Variants in AOPEP observed in about 807,000 individuals in gnomAD.
AOPEP encodes the protein aminopeptidase O (putative), also known as aminopeptidase O.
AOPEP carries 77 observed loss-of-function variants against 98.1 expected under a neutral mutation model. The observed-to-expected ratio is 0.78, with a 90% CI of 0.65 to 0.95. The LOEUF (loss-of-function observed/expected upper bound fraction) is 0.95, where lower values mean the gene tolerates loss of function less well. Ranked by LOEUF, AOPEP falls within the 40% of genes least tolerant of loss-of-function variation. The pLI is 0.00. For synonymous variants in AOPEP, 346 were observed against 365.3 expected, an observed-to-expected ratio of 0.95 and a Z score of 0.60; for missense variants, 1,024 against 1,024.7, an observed-to-expected ratio of 1.00 and a Z score of 0.01.
At chr9:95,090,909 C>G (rs915142704), downstream of AOPEP, among the ~76,000 whole-genome samples, 1 of 152,200 alleles carries the variant, frequency 6.6e-6, no homozygotes, top group African/African-American at 2.4e-5. Context: ...GGTGACCTTG[C>G]CTGCAGCATG....
intron 12 of AOPEP, 31 bp downstream of exon 12, chr9:95,005,251 C>G (rs1301667953): frequency 1.9e-5 from 20 of 1,064,366 alleles, no homozygotes; most frequent in African/African-American, 3.4e-5. Flanking sequence ...CCCTGCGCCC[C>G]GGTGGCGCCG....
Position 94,917,620 on chromosome 9 carries a change from C to T in AOPEP, c.1365-6366C>T, listed in dbSNP as rs548507228. On this transcript the variant is annotated intron_variant, in intron 5 of 16. Transcript: ENST00000375315. Reference sequence around the variant, plus strand: ...AGATCATAAAGCTGGAGCTCCTAGCCTTGGCATCGTTGTTTGCTTCCCTGA... The same window carrying T: ...AGATCATAAAGCTGGAGCTCCTAGCTTTGGCATCGTTGTTTGCTTCCCTGA... 5.9e-5 allele frequency among the ~76,000 whole-genome samples: 9 copies of T among 152,310 alleles called. No homozygotes were observed. The East Asian group carries it at 1.7e-3, about 29-fold the overall frequency.
chr9:94,848,078 G>A (rs932538893), intron 5 of AOPEP, among the ~76,000 whole-genome samples: 2 of 152,182 alleles, frequency 1.3e-5, no homozygotes, highest in Non-Finnish European at 2.9e-5. Context: ...TGACACTGCA[G>A]TTACTTATTA....
intron 5 of AOPEP, among the ~76,000 whole-genome samples, chr9:94,813,608 A>G (rs970920591): frequency 1.3e-5 from 2 of 152,196 alleles, no homozygotes; most frequent in Non-Finnish European, 2.9e-5. Context: ...CCCACCAGGA[A>G]GGGCAAGCTG....
At chr9:95,075,581 A>G (rs1465383059) in intron 14 of AOPEP, among the ~76,000 whole-genome samples, 1 of 152,234 alleles carries the variant, frequency 6.6e-6, no homozygotes, top group Non-Finnish European at 1.5e-5. Context: ...AAAGGATTTT[A>G]TGCACATGAA....
chr9:95,124,545 C>T, the AOPEP span, among the ~76,000 whole-genome samples: 2 of 152,296 alleles, frequency 1.3e-5, no homozygotes, highest in Admixed American at 6.5e-5. Flanking sequence ...CCGCTCACTG[C>T]CCTTCCTCAC....
At chr9:95,071,602 ATGAGGCCATTCC>A (rs1446361754) in intron 14 of AOPEP, among the ~76,000 whole-genome samples, 4 of 152,066 alleles carry the variant, frequency 2.6e-5, no homozygotes, top group Admixed American at 6.6e-5. Flanking sequence ...GGAAGAGACA[ATGAGGCCATTCC>A]TGTCTTTGGT....
At chr9:94,890,367 T>C (rs1342677332) in intron 5 of AOPEP, among the ~76,000 whole-genome samples, 1 of 151,884 alleles carries the variant, frequency 6.6e-6, no homozygotes, top group East Asian at 1.9e-4. Flanking sequence ...CCACACATAT[T>C]GGTCAGGCTG....
In AOPEP at chr9:94,759,957, C is replaced by A; in HGVS notation, c.174C>A (p.Ser58Arg). The A allele has an allele frequency of 6.2e-7, 1 of 1,614,118 alleles. No homozygotes were observed. Among genetic ancestry groups the A allele is most frequent in the African/African-American group, 1.3e-5 (1 of 75,016 alleles). Residue 58 changes from serine to arginine, a missense_variant, in exon 2 of 17, where the codon AGC becomes AGA. Coordinates refer to ENST00000375315, the MANE Select transcript of AOPEP (RefSeq NM_001193329.3). ...GAAACAGATTCAAGAAACAGAATAGCTCTATTGAGGAAGCCTGCCAATCAG... is the reference window on the plus strand; with the variant it reads ...GAAACAGATTCAAGAAACAGAATAGATCTATTGAGGAAGCCTGCCAATCAG... ...EDGNRFKKQN[S>R]SIEEACQSES...
Position 94,773,386 on chromosome 9 carries a change from C to T in AOPEP, c.964+218C>T, listed in dbSNP as rs568474269. 7.6e-5 allele frequency: 30 copies of T among 394,552 alleles called. 1 individual carries two copies. The highest frequency in any genetic ancestry group is 6.1e-4 in the Admixed American group (16 of 26,272). The allele number at this position is 394,552 out of a possible 1,614,324, so 24.4% of individuals were successfully genotyped here. On this transcript the variant is annotated intron_variant, in intron 3 of 16. Transcript: ENST00000375315. ...TTGGGGCTCTTCATACTAGAGTTGTCGGTTCATAGACTATTTCAGCAGTTG... is the reference window on the plus strand; with the variant it reads ...TTGGGGCTCTTCATACTAGAGTTGTTGGTTCATAGACTATTTCAGCAGTTG...
At chr9:94,931,940 C>A (rs2055384492) in intron 7 of AOPEP, 1 of 1,137,436 alleles carries the variant, frequency 8.8e-7, no homozygotes, top group Non-Finnish European at 1.2e-6. Context: ...GCCCAAGGCT[C>A]AGAAAGACTG....
At chr9:95,031,103 G>T (rs2064260022) in intron 13 of AOPEP, among the ~76,000 whole-genome samples, 1 of 152,192 alleles carries the variant, frequency 6.6e-6, no homozygotes, top group Non-Finnish European at 1.5e-5. Flanking sequence ...GGTGTTCACA[G>T]TGTGCAGTTT....
chr9:94,926,868 G>T (rs1365923891), intron 6 of AOPEP, among the ~76,000 whole-genome samples: 1 of 152,220 alleles, frequency 6.6e-6, no homozygotes, highest in Non-Finnish European at 1.5e-5. Context: ...ACTCAGAGAG[G>T]CATCCGCAGG....
At chr9:94,791,991 A>T (rs1221887808) in intron 3 of AOPEP, among the ~76,000 whole-genome samples, 1 of 152,246 alleles carries the variant, frequency 6.6e-6, no homozygotes, top group Non-Finnish European at 1.5e-5. Context: ...ATAGTGTTAC[A>T]AATTATCAGC....
chr9:94,848,732 C>G (rs530679465), intron 5 of AOPEP, among the ~76,000 whole-genome samples: 4 of 151,954 alleles, frequency 2.6e-5, no homozygotes, highest in African/African-American at 9.7e-5. Context: ...AATGCCCTAC[C>G]AAGCTAATAG....
intron 5 of AOPEP, among the ~76,000 whole-genome samples, chr9:94,889,778 C>T (rs776056325): frequency 1.3e-5 from 2 of 152,122 alleles, no homozygotes; most frequent in East Asian, 1.9e-4. Flanking sequence ...AGAAATGTGC[C>T]GTTTTACATT....
At chr9:94,984,854 A>G (rs999920224) in intron 11 of AOPEP, among the ~76,000 whole-genome samples, 6 of 152,230 alleles carry the variant, frequency 3.9e-5, no homozygotes, top group Non-Finnish European at 5.9e-5. Flanking sequence ...TGCGGGGTAA[A>G]GATAGAGCTG....
chr9:94,733,953 A>C (rs1564031075), intron 1 of AOPEP, among the ~76,000 whole-genome samples: 1 of 152,228 alleles, frequency 6.6e-6, no homozygotes, highest in Non-Finnish European at 1.5e-5. Flanking sequence ...ACCCATTTGC[A>C]GTGTGTAAAG....
At chr9:94,828,313 C>T (rs1456846869) in intron 5 of AOPEP, among the ~76,000 whole-genome samples, 1 of 111,808 alleles carries the variant, frequency 8.9e-6, no homozygotes, top group African/African-American at 3.4e-5. Flanking sequence ...AGATTTCTCC[C>T]TGTGTTTTCT....
Sources: allele counts gnomAD v4.1 joint callset (sites outside exome capture counted in the v4.1 genomes callset), GRCh38; gene constraint gnomAD v4.1.1; transcripts MANE v1.5; gene names NCBI Gene and HGNC (gene_info 2026-07-23, HGNC 2026-07-21).